C8orf74: variants seen among roughly 807,000 people sequenced by gnomAD.
C8orf74 encodes uncharacterized protein C8orf74.
C8orf74 carries 29 observed loss-of-function variants against 22.2 expected under a neutral mutation model. The observed-to-expected ratio is 1.31, with a 90% CI of 0.97 to 1.78. C8orf74 has a LOEUF of 1.78. Ranked by LOEUF, C8orf74 falls within the 40% of genes most tolerant of loss-of-function variation. C8orf74 has a pLI of 0.00. For missense variants in C8orf74, 515 were observed against 369.9 expected, an observed-to-expected ratio of 1.39 and a Z score of -3.22; for synonymous variants, 255 against 163.1, an observed-to-expected ratio of 1.56 and a Z score of -4.30.
intron 2 of C8orf74, 130 bp downstream of exon 2, chr8:10,674,968 T>C (rs1410458848): frequency 8.7e-6 from 6 of 691,732 alleles, no homozygotes; most frequent in African/African-American, 3.6e-5. Flanking sequence ...TTCCCTGGCA[T>C]TGGGCCTCCT....
rs1415565438 is a variant in C8orf74, at chr8:10,674,801, G to A, written c.204G>A (p.Val68=). ...TCCCATGGGTGGAGGTGGCCCAGGTGGTCAAGTTCACAGAAGAGCTGCTAA... is the reference window on the plus strand; with the variant it reads ...TCCCATGGGTGGAGGTGGCCCAGGTAGTCAAGTTCACAGAAGAGCTGCTAA... ...KGFPWVEVAQ[V]VKFTEELLRE... Residue 68 remains valine, a synonymous_variant, in exon 2 of 4, where the codon GTG becomes GTA. Coordinates refer to ENST00000304519, the MANE Select transcript of C8orf74 (RefSeq NM_001040032.2). The A allele has an allele frequency of 6.2e-7, 1 of 1,605,854 alleles. No individual in the cohort carries two copies. The highest frequency in any genetic ancestry group is 8.5e-7 in the Non-Finnish European group (1 of 1,176,256).
At chr8:10,686,705 A>C (rs1334285467) in intron 2 of C8orf74, 6 of 160,168 alleles carry the variant, frequency 3.7e-5, no homozygotes, top group Admixed American at 3.5e-4. Flanking sequence ...AATTCAATAA[A>C]GTAATAGTAA....
rs371279029 is a variant in C8orf74 at position 10,697,906 on chromosome 8, G to T, written c.549G>T (p.Leu183=). Residue 183 remains leucine, a synonymous_variant, in exon 3 of 4, where the codon CTG becomes CTT. Coordinates refer to ENST00000304519, the MANE Select transcript of C8orf74 (RefSeq NM_001040032.2). ...EAEAQKRADV[L]LLKEALRLER... Reference sequence around the variant, plus strand: ...AGGCACAGAAGCGCGCCGACGTGCTGCTCCTGAAAGAGGCGCTGCGCCTGG... The same window carrying T: ...AGGCACAGAAGCGCGCCGACGTGCTTCTCCTGAAAGAGGCGCTGCGCCTGG... 4.0e-5 allele frequency: 65 copies of T among 1,606,188 alleles called. No homozygotes were observed. In the African/African-American group the frequency reaches 8.0e-4, roughly 20 times the overall value.
intron 2 of C8orf74, chr8:10,675,741 G>C (rs943123563): frequency 6.6e-6 from 1 of 152,182 alleles, no homozygotes; most frequent in African/African-American, 2.4e-5. Context: ...AAGACTCATG[G>C]CCCGAATCTA....
At position 10,697,879 on chromosome 8, in the gene C8orf74, C is replaced by T. The variant is rs763992133; in HGVS notation, c.522C>T (p.Ala174=). Residue 174 remains alanine, a synonymous_variant, in exon 3 of 4, where the codon GCC becomes GCT. Transcript: ENST00000304519. ...HEQQVATLTE[A]EAQKRADVLL... The stretch of plus-strand genomic sequence containing the variant: ...AGCAGGTGGCCACACTGACGGAGGC[C>T]GAGGCACAGAAGCGCGCCGACGTGC... 20 of 1,612,742 alleles carry T rather than the reference C, an allele frequency of 1.2e-5. No individual in the cohort carries two copies. Among genetic ancestry groups the T allele is most frequent in the East Asian group, 2.2e-5 (1 of 44,852 alleles).
intron 2 of C8orf74, chr8:10,692,967 A>G (rs1049553767): frequency 3.3e-5 from 5 of 152,262 alleles, no homozygotes; most frequent in African/African-American, 1.2e-4. Context: ...GCACAAGATC[A>G]AAGATCGTGA....
rs1799620519 is a variant in C8orf74 at position 10,700,088 on chromosome 8, C to T, written c.649-147C>T. On this transcript the variant is annotated intron_variant, in intron 3 of 3. Coordinates refer to ENST00000304519, the MANE Select transcript of C8orf74 (RefSeq NM_001040032.2). The stretch of plus-strand genomic sequence containing the variant: ...CTAGTTGGCTGAAGTCAACCAGAAG[C>T]CAGAGGTCCAGGCAACCACGGCCCG... The T allele has an allele frequency of 9.7e-6, 5 of 518,124 alleles. No homozygotes were observed. In the Admixed American group the frequency reaches 1.4e-4, roughly 15 times the overall value. The allele number at this position is 518,124 out of a possible 1,614,324, so 32.1% of individuals were successfully genotyped here.
chr8:10,691,212 C>CT (rs1799373748), intron 2 of C8orf74: 1 of 328,714 alleles, frequency 3.0e-6, no homozygotes, highest in Non-Finnish European at 6.1e-6. Context: ...AAGGTCTACA[C>CT]TTGGTTTGTA....
In C8orf74 at chr8:10,700,367, G is replaced by GCCCCCCCCCCCAAACCCCCCCCCCAAAA; in HGVS notation, c.786_787insCCCCCCAAACCCCCCCCCCAAAACCCCC (p.Thr263ProfsTer66). On this transcript the variant is annotated frameshift_variant, in exon 4 of 4. Coordinates refer to ENST00000304519, the MANE Select transcript of C8orf74 (RefSeq NM_001040032.2). LOFTEE classifies it low-confidence loss of function (END_TRUNC). ...TCAGAAGAAGACTCTGAACCTCAAC[G>GCCCCCCCCCCCAAACCCCCCCCCCAAAA]CCCCCACCCCTATCCCGCCCCCCAT... 6.3e-7 allele frequency: 1 copy of GCCCCCCCCCCCAAACCCCCCCCCCAAAA among 1,590,928 alleles called. No individual in the cohort carries two copies. The highest frequency in any genetic ancestry group is 8.6e-7 in the Non-Finnish European group (1 of 1,159,756).
chr8:10,695,683 G>A (rs757516488), intron 2 of C8orf74, among the ~76,000 whole-genome samples: 4 of 152,084 alleles, frequency 2.6e-5, no homozygotes, highest in Non-Finnish European at 5.9e-5. Context: ...AAACAACCTC[G>A]TGGGCAAGAC....
Position 10,696,630 on chromosome 8 carries a change from T to C in C8orf74, c.242-969T>C, listed in dbSNP as rs535311988. On this transcript the variant is annotated intron_variant, in intron 2 of 3. Transcript: ENST00000304519. The stretch of plus-strand genomic sequence containing the variant: ...ACTCAGCTAATATTTGTATTTCTAG[T>C]AGAGACGGGGTTTTGCCATGTTGGC... Among the ~76,000 whole-genome samples, 51 of 152,050 alleles carry C rather than the reference T, an allele frequency of 3.4e-4. 1 individual carries two copies. The highest frequency in any genetic ancestry group is 1.2e-3 in the African/African-American group (51 of 41,472).
At chr8:10,674,260 C>T (rs931393734) in intron 1 of C8orf74, among the ~76,000 whole-genome samples, 2 of 143,254 alleles carry the variant, frequency 1.4e-5, no homozygotes, top group Admixed American at 1.4e-4. Context: ...TCATATCATA[C>T]CCTGCAGCCC....
chr8:10,696,135 C>T (rs992629109), intron 2 of C8orf74, among the ~76,000 whole-genome samples: 1 of 152,016 alleles, frequency 6.6e-6, no homozygotes, highest in African/African-American at 2.4e-5. Context: ...CACGACCCTT[C>T]ATGAACCACC....
chr8:10,693,287 C>G (rs1799423162), intron 2 of C8orf74, among the ~76,000 whole-genome samples: 1 of 152,192 alleles, frequency 6.6e-6, no homozygotes, highest in South Asian at 2.1e-4. Flanking sequence ...CAGTAAACCC[C>G]TCTGACCCAG....
At chr8:10,687,987 C>T (rs1799296291) in intron 2 of C8orf74, among the ~76,000 whole-genome samples, 1 of 152,082 alleles carries the variant, frequency 6.6e-6, no homozygotes, top group Non-Finnish European at 1.5e-5. Context: ...GGGTGGATCA[C>T]CTGAGGTGAG....
chr8:10,685,953 C>G (rs1455562922), intron 2 of C8orf74, among the ~76,000 whole-genome samples: 1 of 152,126 alleles, frequency 6.6e-6, no homozygotes, highest in African/African-American at 2.4e-5. Flanking sequence ...CCTGTAGTCC[C>G]AACTACTCAG....
intron 2 of C8orf74, among the ~76,000 whole-genome samples, chr8:10,676,309 A>C (rs568157510): frequency 1.4e-3 from 212 of 152,188 alleles, no homozygotes; most frequent in Non-Finnish European, 2.5e-3. Flanking sequence ...GCCATCCTTA[A>C]GGCACCCAGA....
intron 1 of C8orf74, among the ~76,000 whole-genome samples, chr8:10,673,933 G>GCCCCATATCATACCCTCCGAC (rs1798968999): frequency 6.7e-6 from 1 of 148,612 alleles, no homozygotes; most frequent in Non-Finnish European, 1.5e-5. Context: ...ATACCCTGCA[G>GCCCCATATCATACCCTCCGAC]CCCCATATCA....
At chr8:10,694,387 C>T (rs1799445416) in intron 2 of C8orf74, among the ~76,000 whole-genome samples, 1 of 151,924 alleles carries the variant, frequency 6.6e-6, no homozygotes, top group Admixed American at 6.6e-5. Context: ...GGTTATTTTG[C>T]CAAGGTTAAT....
Sources: gnomAD v4.1 joint callset for allele counts (sites outside exome capture counted in the v4.1 genomes callset) on GRCh38, gnomAD v4.1.1 for gene constraint, MANE v1.5 for transcripts, NCBI Gene and HGNC (gene_info 2026-07-23, HGNC 2026-07-21) for gene names.